The following ABCA8 variants were observed in gnomAD, a reference collection of about 807,000 sequenced individuals.
The protein encoded by ABCA8 is ATP binding cassette subfamily A member 8.
A neutral mutation model predicts 192.3 loss-of-function variants in ABCA8; 177 were observed. The observed-to-expected ratio is 0.92, with a 90% CI of 0.81 to 1.04. The LOEUF (loss-of-function observed/expected upper bound fraction) is 1.04, where lower values mean the gene tolerates loss of function less well. Ranked by LOEUF, ABCA8 falls within the 50% of genes least tolerant of loss-of-function variation. The probability of loss-of-function intolerance (pLI) is 0.00; values close to 1 mark genes in which losing one functional copy is unlikely to be tolerated. For missense variants in ABCA8, 1,915 were observed against 1,904.8 expected (o/e 1.01, Z -0.10); for synonymous variants, 642 against 690.2 (o/e 0.93, Z 1.09).
intron 38 of ABCA8, among the ~76,000 whole-genome samples, chr17:68,868,797 T>C (rs2065977413): frequency 6.6e-6 from 1 of 152,082 alleles, no homozygotes; most frequent in South Asian, 2.1e-4. Context: ...TCTGATTGGG[T>C]TAGGAACTGT....
intron 5 of ABCA8, among the ~76,000 whole-genome samples, chr17:68,934,354 T>C (rs1298001190): frequency 6.6e-6 from 1 of 152,178 alleles, no homozygotes; most frequent in East Asian, 1.9e-4. Context: ...TTCTTGTAAA[T>C]ATATCTGTAT....
chr17:68,890,872 G>A (rs1220280894), intron 24 of ABCA8, among the ~76,000 whole-genome samples: 1 of 152,160 alleles, frequency 6.6e-6, no homozygotes, highest in Non-Finnish European at 1.5e-5. Flanking sequence ...TAACTTTGAT[G>A]AAGTTCAAGT....
At chr17:68,873,479 T>C (rs947306741) in intron 37 of ABCA8, among the ~76,000 whole-genome samples, 1 of 152,232 alleles carries the variant, frequency 6.6e-6, no homozygotes, top group Non-Finnish European at 1.5e-5. Flanking sequence ...AATTTGCAAA[T>C]AATCCTCCCA....
chr17:68,895,212 T>C (rs960053558), intron 21 of ABCA8, among the ~76,000 whole-genome samples, 199 bp from the exon 22 acceptor site: 4 of 152,196 alleles, frequency 2.6e-5, no homozygotes, highest in African/African-American at 4.8e-5. Context: ...TTATTATTAA[T>C]GTAAAAGATT....
At chr17:68,946,967 GAC>G (rs1476966472) in intron 2 of ABCA8, among the ~76,000 whole-genome samples, 2 of 148,804 alleles carry the variant, frequency 1.3e-5, no homozygotes, top group African/African-American at 2.6e-5. Flanking sequence ...GAGAGAGAGA[GAC>G]AGAGAGAGAG....
intron 2 of ABCA8, among the ~76,000 whole-genome samples, chr17:68,943,553 A>T (rs764620074): frequency 1.3e-5 from 2 of 152,242 alleles, no homozygotes; most frequent in Non-Finnish European, 2.9e-5. Flanking sequence ...ATAATGAAAC[A>T]AAGTCAGATA....
At chr17:68,884,267 A>G (rs2066404714) in intron 28 of ABCA8, 64 bp downstream of exon 28, 5 of 1,414,342 alleles carry the variant, frequency 3.5e-6, no homozygotes, top group Non-Finnish European at 4.7e-6. Context: ...CACAGTGTGT[A>G]CAGAACTGAA....
In ABCA8 at chr17:68,922,235, T is replaced by TAA; in HGVS notation, c.1501+6_1501+7insTT. ...TTTTTTTTTTTTTTTTTTTTTTTTT[T>TAA]TTTTACCTTTCAAGGCTTCTATTTT... On this transcript the variant is annotated splice_region_variant and intron_variant, in intron 12 of 39. Coordinates refer to ENST00000586539, the MANE Select transcript of ABCA8 (RefSeq NM_001288985.2). 1 of 514,712 alleles carries TAA rather than the reference T, an allele frequency of 1.9e-6. No individual in the cohort carries two copies. Among genetic ancestry groups the TAA allele is most frequent in the Admixed American group, 5.2e-5 (1 of 19,176 alleles). 31.9% of individuals were successfully genotyped at this position (514,712 alleles called of 1,614,324 possible). A position where few individuals can be genotyped will look rare whatever the true frequency, so the allele number is the denominator to read the frequency against.
In ABCA8 at chr17:68,882,726, T is replaced by A; in HGVS notation, c.3708-7A>T. 2 of 1,607,140 alleles carry A rather than the reference T, an allele frequency of 1.2e-6. No homozygotes were observed. Among genetic ancestry groups the A allele is most frequent in the Middle Eastern group, 1.7e-4 (1 of 6,036 alleles). On this transcript the variant is annotated splice_polypyrimidine_tract_variant and splice_region_variant and intron_variant, in intron 29 of 39. Transcript: ENST00000586539. ...ACTACTTCTTGGAGAAATTCTAGAG[T>A]CAAAACCATCCATTAATATTGATTT...
intron 5 of ABCA8, among the ~76,000 whole-genome samples, chr17:68,935,244 G>A (rs1467854164): frequency 7.1e-6 from 1 of 141,212 alleles, no homozygotes; most frequent in African/African-American, 2.7e-5. Context: ...ACAGGCAGAC[G>A]CTGCCACGCC....
chr17:68,876,031 A>T (rs1296766799), intron 35 of ABCA8, among the ~76,000 whole-genome samples: 3 of 152,194 alleles, frequency 2.0e-5, no homozygotes, highest in African/African-American at 4.8e-5. Context: ...GTGAAGGGGA[A>T]CAGAATGACA....
At chr17:68,902,213 C>T (rs2066934071) in intron 21 of ABCA8, among the ~76,000 whole-genome samples, 1 of 152,070 alleles carries the variant, frequency 6.6e-6, no homozygotes, top group South Asian at 2.1e-4. Context: ...TTGTATGAGT[C>T]CAGTGATATT....
chr17:68,876,380 C>A (rs2066205621), intron 35 of ABCA8, 80 bp downstream of exon 35: 15 of 1,576,558 alleles, frequency 9.5e-6, no homozygotes, highest in Non-Finnish European at 1.3e-5. Flanking sequence ...GTTTAAGGGA[C>A]AATTTTTACA....
chr17:68,895,107 C>CAGTA (rs1185502246), intron 21 of ABCA8, 94 bp from the exon 22 acceptor site: 3 of 1,059,312 alleles, frequency 2.8e-6, no homozygotes, highest in African/African-American at 3.2e-5. Flanking sequence ...TTATGTGAAG[C>CAGTA]AGTAATATGG....
Position 68,907,784 on chromosome 17 carries a change from T to C in ABCA8, c.2234A>G (p.Lys745Arg). 6.2e-7 allele frequency: 1 copy of C among 1,609,512 alleles called. No individual in the cohort carries two copies. Among genetic ancestry groups the C allele is most frequent in the Non-Finnish European group, 8.5e-7 (1 of 1,177,998 alleles). The change falls in exon 18 of 40, where the codon AAA (lysine) becomes AGA (arginine). Residue 745 changes from lysine to arginine, a missense_variant. Lys to Arg is a conservative substitution (Grantham distance 26). Transcript: ENST00000586539. ...TTCTAAGGGTAATGTATAAATAAGT[T>C]TTCCTTCGCTTTTGGCTGATAATTT... ...DAKLSAKSEG[K>R]LIYTLPLERT...
chr17:68,929,539 G>T lies in ABCA8; in HGVS notation c.939+22C>A, dbSNP rs558015179. ...TTTTTAGGCTATAGGTGGATGGAAA[G>T]ATATTTAATTCACTAACTCACCAAA... On this transcript the variant is annotated intron_variant, in intron 8 of 39. Transcript: ENST00000586539. The T allele has an allele frequency of 5.2e-5, 84 of 1,603,996 alleles. 1 individual carries two copies. The South Asian group carries it at 8.7e-4, about 17-fold the overall frequency.
At chr17:68,923,098 T>C (rs1452029994) in intron 11 of ABCA8, among the ~76,000 whole-genome samples, 2 of 152,170 alleles carry the variant, frequency 1.3e-5, no homozygotes, top group East Asian at 3.8e-4. Flanking sequence ...AAGTATATAA[T>C]CCATAGGCCA....
chr17:68,882,143 C>G (rs1351195890), intron 30 of ABCA8, among the ~76,000 whole-genome samples, 163 bp from the exon 31 acceptor site: 2 of 152,204 alleles, frequency 1.3e-5, no homozygotes, highest in Non-Finnish European at 2.9e-5. Flanking sequence ...TATCCTAACA[C>G]TTGCTTTTGG....
rs1356389669 is a variant in ABCA8, at chr17:68,917,369, A to G, written c.2130T>C (p.Tyr710=). ...LFLKKKWGIG[Y]HLSLQLNEIC... is the part of the protein sequence containing the mutation. ...TTCTTAAGTGACCTTACCTTAAGTG[A>G]TATCCAATCCCCCATTTCTTCTTTA... The change falls in exon 17 of 40, where the codon TAT becomes TAC. Residue 710 remains tyrosine, a synonymous_variant. Transcript: ENST00000586539. The G allele has an allele frequency of 3.1e-6, 5 of 1,609,494 alleles. No homozygotes were observed. The African/African-American group carries it at 5.4e-5, about 17-fold the overall frequency.
Sources: gnomAD v4.1 joint callset for allele counts (sites outside exome capture counted in the v4.1 genomes callset) on GRCh38, gnomAD v4.1.1 for gene constraint, MANE v1.5 for transcripts, NCBI Gene and HGNC (gene_info 2026-07-23, HGNC 2026-07-21) for gene names.